The following MACROD2 variants were observed in gnomAD, a reference collection of about 807,000 sequenced individuals.
MACROD2 encodes the protein ADP-ribose glycohydrolase MACROD2.
A neutral mutation model predicts 70.4 loss-of-function variants in MACROD2; 36 were observed. That is an observed-to-expected ratio of 0.51 (90% CI 0.39 to 0.68). The LOEUF is 0.68. Among genes scored for constraint, MACROD2 ranks in the 30% least tolerant of loss-of-function variants. The pLI is 0.00. For synonymous variants in MACROD2, 172 were observed against 178.8 expected, an observed-to-expected ratio of 0.96 and a Z score of 0.30; for missense variants, 496 against 538.4, an observed-to-expected ratio of 0.92 and a Z score of 0.78.
chr20:14,290,744 G>T (rs1467930243), intron 3 of MACROD2, among the ~76,000 whole-genome samples: 1 of 152,158 alleles, frequency 6.6e-6, no homozygotes, highest in African/African-American at 2.4e-5. Flanking sequence ...CCCGACCTCA[G>T]TTGATCCACC....
chr20:14,055,524 A>AAG (rs1182978918), intron 2 of MACROD2, among the ~76,000 whole-genome samples: 2 of 151,656 alleles, frequency 1.3e-5, no homozygotes, highest in Non-Finnish European at 2.9e-5. Flanking sequence ...AAAAAAAAAA[A>AAG]ATACATATAT....
At chr20:15,822,143 G>C (rs182302125) in intron 8 of MACROD2, among the ~76,000 whole-genome samples, 2 of 152,238 alleles carry the variant, frequency 1.3e-5, no homozygotes, top group Non-Finnish European at 1.5e-5. Context: ...CAGGAATTTA[G>C]GGACATGCAG....
At chr20:14,413,403 G>A (rs536138626) in intron 3 of MACROD2, among the ~76,000 whole-genome samples, 94 of 151,962 alleles carry the variant, frequency 6.2e-4, no homozygotes, top group South Asian at 1.7e-3. Context: ...CAATGTTCAT[G>A]TATACTTTGG....
intron 3 of MACROD2, among the ~76,000 whole-genome samples, chr20:14,182,220 A>G (rs181517351): frequency 2.6e-5 from 4 of 152,162 alleles, no homozygotes; most frequent in East Asian, 3.9e-4. Context: ...TTTTATTTTT[A>G]TTTTCCAAAT....
chr20:14,118,002 T>C (rs568357950), intron 3 of MACROD2, among the ~76,000 whole-genome samples: 11 of 152,332 alleles, frequency 7.2e-5, no homozygotes, highest in Admixed American at 2.6e-4. Context: ...ACCGTAGTCA[T>C]GATTATGACT....
Position 15,919,788 on chromosome 20 carries a change from T to A in MACROD2, c.776-13488T>A, listed in dbSNP as rs890730586. ...TGATTATCATCTCAAGACGATCCAC[T>A]GTCAGCGGGTATTGCCCTGTTACAG... On this transcript the variant is annotated intron_variant, in intron 10 of 17. Transcript: ENST00000684519. 1.4e-4 allele frequency among the ~76,000 whole-genome samples: 22 copies of A among 152,032 alleles called. 1 individual carries two copies. The highest frequency in any genetic ancestry group is 6.2e-4 in the South Asian group (3 of 4,806).
chr20:14,361,445 G>T (rs2083220877), intron 3 of MACROD2, among the ~76,000 whole-genome samples: 1 of 152,096 alleles, frequency 6.6e-6, no homozygotes, highest in Non-Finnish European at 1.5e-5. Flanking sequence ...GTTCTGTCTT[G>T]AAATCTAGAA....
chr20:14,896,743 A>G (rs2073834771), intron 5 of MACROD2, among the ~76,000 whole-genome samples: 1 of 152,162 alleles, frequency 6.6e-6, no homozygotes, highest in Non-Finnish European at 1.5e-5. Flanking sequence ...ATTGATACAA[A>G]CTTCATTAAA....
At chr20:15,447,370 G>A (rs548424565) in intron 7 of MACROD2, among the ~76,000 whole-genome samples, 5 of 152,236 alleles carry the variant, frequency 3.3e-5, no homozygotes, top group East Asian at 3.9e-4. Flanking sequence ...TTTCCACTTC[G>A]TGTTCTTTGC....
chr20:14,992,715 T>A (rs941101940), intron 5 of MACROD2, among the ~76,000 whole-genome samples: 11 of 152,206 alleles, frequency 7.2e-5, no homozygotes, highest in Non-Finnish European at 1.3e-4. Context: ...TGCAGAAGAA[T>A]TTAGAACTTT....
At chr20:14,249,726 A>T (rs530457959) in intron 3 of MACROD2, among the ~76,000 whole-genome samples, 87 of 152,054 alleles carry the variant, frequency 5.7e-4, no homozygotes, top group South Asian at 1.2e-3. Context: ...AGCTTTTTTT[A>T]AAAAAAACTT....
intron 2 of MACROD2, among the ~76,000 whole-genome samples, chr20:14,063,223 G>A (rs1169686826): frequency 6.6e-6 from 1 of 152,084 alleles, no homozygotes; most frequent in Non-Finnish European, 1.5e-5. Flanking sequence ...GGAAAGGCTG[G>A]GCTATTGTAA....
chr20:14,651,605 A>G (rs908155871), intron 4 of MACROD2, among the ~76,000 whole-genome samples: 2 of 152,212 alleles, frequency 1.3e-5, no homozygotes, highest in African/African-American at 4.8e-5. Context: ...CCATATTGCT[A>G]TATTGAAATA....
Position 15,065,063 on chromosome 20 carries a change from T to C in MACROD2, c.419-164877T>C, listed in dbSNP as rs368700366. 6.6e-5 allele frequency among the ~76,000 whole-genome samples: 10 copies of C among 152,354 alleles called. No individual in the cohort carries two copies. In the East Asian group the frequency reaches 1.9e-3, roughly 29 times the overall value. ...AAAGATTCTCTGTTTTCCTCATTTC[T>C]ATGCATGATGACAGATCTTGACAGT... On this transcript the variant is annotated intron_variant, in intron 5 of 17. Transcript: ENST00000684519.
rs76374031 is a variant in MACROD2, at chr20:15,081,335, G to T, written c.419-148605G>T. The stretch of plus-strand genomic sequence containing the variant: ...GTAGTTCTGACAGAGATTTTTATGG[G>T]ATGCAAAGCTGAAAATATTCACAAT... On this transcript the variant is annotated intron_variant, in intron 5 of 17. Transcript: ENST00000684519. 3.9e-5 allele frequency among the ~76,000 whole-genome samples: 6 copies of T among 152,234 alleles called. No individual in the cohort carries two copies. The East Asian group carries it at 1.2e-3, about 29-fold the overall frequency.
At chr20:15,818,605 T>C (rs936857556) in intron 8 of MACROD2, among the ~76,000 whole-genome samples, 2 of 152,206 alleles carry the variant, frequency 1.3e-5, no homozygotes, top group Non-Finnish European at 2.9e-5. Context: ...ACCCCTATCT[T>C]GTGCTGACCT....
At chr20:15,078,566 AT>A (rs2075677873) in intron 5 of MACROD2, among the ~76,000 whole-genome samples, 1 of 152,194 alleles carries the variant, frequency 6.6e-6, no homozygotes, top group African/African-American at 2.4e-5. Flanking sequence ...TATAAAAAAA[AT>A]CTTCTTTATA....
intron 6 of MACROD2, among the ~76,000 whole-genome samples, chr20:15,235,166 G>C (rs2077002818): frequency 6.6e-6 from 1 of 152,070 alleles, no homozygotes; most frequent in Non-Finnish European, 1.5e-5. Flanking sequence ...TAATAGAGTA[G>C]ATGTTTTATT....
chr20:16,015,488 G>A lies in MACROD2; in HGVS notation c.1154-25713G>A, dbSNP rs528365094. ...TATCTGTTGAATAGGCTCTCTTACA[G>A]AATTTCCCTGGATATGTCAAATGTT... On this transcript the variant is annotated intron_variant, in intron 15 of 17. Transcript: ENST00000684519. Among the ~76,000 whole-genome samples the A allele has an allele frequency of 3.9e-5, 6 of 152,218 alleles. No individual in the cohort carries two copies. In the East Asian group the frequency reaches 1.2e-3, roughly 29 times the overall value.
Sources: gnomAD v4.1 joint callset for allele counts (sites outside exome capture counted in the v4.1 genomes callset) on GRCh38, gnomAD v4.1.1 for gene constraint, MANE v1.5 for transcripts, NCBI Gene and HGNC (gene_info 2026-07-23, HGNC 2026-07-21) for gene names.